SAMD8: variants seen among roughly 807,000 people sequenced by gnomAD.
The protein encoded by SAMD8 is sphingomyelin synthase-related protein 1.
In SAMD8, 20 loss-of-function variants were observed where a neutral mutation model predicts 42.0. The ratio of observed to expected loss-of-function variants is 0.48; its 90% CI spans 0.34 to 0.69. The LOEUF is 0.69. SAMD8 is among the 30% of genes least tolerant of loss of function. SAMD8 has a pLI of 0.01. For missense variants in SAMD8, 328 were observed against 511.6 expected (o/e 0.64, Z 3.46); for synonymous variants, 162 against 173.0 (o/e 0.94, Z 0.50).
intron 1 of SAMD8, among the ~76,000 whole-genome samples, chr10:75,132,818 A>C (rs1266768851): frequency 6.6e-6 from 1 of 151,740 alleles, no homozygotes; most frequent in African/African-American, 2.4e-5. Flanking sequence ...GGGAGACCCT[A>C]TCTCTACAAA....
chr10:75,107,063 C>T (rs528288568), upstream of SAMD8, among the ~76,000 whole-genome samples: 16 of 152,198 alleles, frequency 1.1e-4, no homozygotes, highest in African/African-American at 3.1e-4. Flanking sequence ...GGGCCGGGTG[C>T]GGTGGCTCAT....
chr10:75,114,527 CT>C (rs1439376952), intron 1 of SAMD8, among the ~76,000 whole-genome samples: 1 of 152,166 alleles, frequency 6.6e-6, no homozygotes, highest in Non-Finnish European at 1.5e-5. Flanking sequence ...CTCAATACTT[CT>C]TCAAAACTTT....
At chr10:75,171,683 TA>T (rs1840871540) in intron 4 of SAMD8, among the ~76,000 whole-genome samples, 1 of 152,210 alleles carries the variant, frequency 6.6e-6, no homozygotes, top group African/African-American at 2.4e-5. Flanking sequence ...CTCCTTAAGA[TA>T]AATTATTGCA....
chr10:75,139,188 C>T (rs1285042369), intron 1 of SAMD8, among the ~76,000 whole-genome samples: 1 of 151,840 alleles, frequency 6.6e-6, no homozygotes, highest in Non-Finnish European at 1.5e-5. Flanking sequence ...AGGCTGGTCT[C>T]AAACTCCTGA....
intron 1 of SAMD8, among the ~76,000 whole-genome samples, chr10:75,118,676 T>C (rs1315778294): frequency 6.6e-6 from 1 of 152,190 alleles, no homozygotes; most frequent in East Asian, 1.9e-4. Flanking sequence ...TTTCTATAAG[T>C]ATAAAGAGAA....
At chr10:75,122,852 A>G (rs2134430217) in intron 1 of SAMD8, among the ~76,000 whole-genome samples, 1 of 152,118 alleles carries the variant, frequency 6.6e-6, no homozygotes, top group East Asian at 1.9e-4. Context: ...TGCTTTTTTT[A>G]TTTATATGCT....
At chr10:75,138,660 C>T (rs1054848061) in intron 1 of SAMD8, among the ~76,000 whole-genome samples, 2 of 152,028 alleles carry the variant, frequency 1.3e-5, no homozygotes, top group African/African-American at 4.8e-5. Context: ...TCTTAGGCTG[C>T]TGAAATCTCT....
chr10:75,122,071 T>G (rs1326554697), intron 1 of SAMD8, among the ~76,000 whole-genome samples: 5 of 152,222 alleles, frequency 3.3e-5, no homozygotes. Flanking sequence ...TTCATTTTCT[T>G]TCTTTTTTCA....
intron 3 of SAMD8, among the ~76,000 whole-genome samples, chr10:75,166,153 T>A (rs1237870197): frequency 6.6e-6 from 1 of 152,010 alleles, no homozygotes; most frequent in Non-Finnish European, 1.5e-5. Context: ...TTTTACTGCT[T>A]CTTGTGGAGC....
At chr10:75,161,025 G>A (rs551138255) in intron 2 of SAMD8, among the ~76,000 whole-genome samples, 4 of 152,106 alleles carry the variant, frequency 2.6e-5, no homozygotes, top group Admixed American at 1.3e-4. Context: ...CCGCGATTGC[G>A]CCACTGTACT....
rs1476657216 is a variant in SAMD8, at chr10:75,181,435, C to T, written c.*4743C>T. The stretch of plus-strand genomic sequence containing the variant: ...TTTTGGACCCCCTTCTCACCTCACC[C>T]GGATGTAATGCCACCAATTTCAAAT... On this transcript the variant is annotated 3_prime_UTR_variant, in exon 6 of 6. Coordinates refer to ENST00000542569, the MANE Select transcript of SAMD8 (RefSeq NM_001174156.2). The T allele has an allele frequency of 1.4e-5, 2 of 145,270 alleles. No homozygotes were observed. The highest frequency in any genetic ancestry group is 2.1e-4 in the East Asian group (1 of 4,802). 9.0% of individuals were successfully genotyped at this position (145,270 alleles called of 1,614,324 possible). A position where few individuals can be genotyped will look rare whatever the true frequency, so the allele number is the denominator to read the frequency against.
At chr10:75,115,940 CA>C (rs35416435) in intron 1 of SAMD8, among the ~76,000 whole-genome samples, 14,911 of 68,860 alleles carry the variant, frequency 0.22, 480 homozygotes, top group Middle Eastern at 0.31. Flanking sequence ...GACTCCGTCT[CA>C]AAAAAAAAAA....
At chr10:75,149,899 CT>C (rs1475490841) in intron 1 of SAMD8, among the ~76,000 whole-genome samples, 23 of 151,974 alleles carry the variant, frequency 1.5e-4, no homozygotes, top group African/African-American at 5.6e-4. Context: ...ATTAAATTTT[CT>C]TCTGCTGTTG....
intron 1 of SAMD8, among the ~76,000 whole-genome samples, chr10:75,142,092 C>T (rs2134463329): frequency 6.6e-6 from 1 of 152,146 alleles, no homozygotes; most frequent in Middle Eastern, 3.4e-3. Context: ...GGATTGCAGG[C>T]ACCCACCACC....
intron 1 of SAMD8, among the ~76,000 whole-genome samples, chr10:75,145,519 G>C (rs947386866): frequency 1.3e-5 from 2 of 152,038 alleles, no homozygotes; most frequent in Admixed American, 6.6e-5. Flanking sequence ...GCTTTTTGTG[G>C]GATGCTGTTC....
chr10:75,117,870 C>A (rs1246372671), intron 1 of SAMD8, among the ~76,000 whole-genome samples: 3 of 152,170 alleles, frequency 2.0e-5, no homozygotes, highest in Non-Finnish European at 4.4e-5. Flanking sequence ...AAATTTATCA[C>A]CAAAGTCCTA....
chr10:75,152,529 A>G (rs1401326315), intron 2 of SAMD8, among the ~76,000 whole-genome samples: 1 of 148,268 alleles, frequency 6.7e-6, no homozygotes, highest in South Asian at 2.1e-4. Flanking sequence ...CTCAAAAAAA[A>G]AAAAAAGAAA....
rs529798221 is a variant in SAMD8 at position 75,138,082 on chromosome 10, A to G, written c.-15-12432A>G. Reference sequence around the variant, plus strand: ...TCAGTAAAACAACTCCCATTTCACCATCTGTTTTCCATATCTCATGAGCAT... The same window carrying G: ...TCAGTAAAACAACTCCCATTTCACCGTCTGTTTTCCATATCTCATGAGCAT... On this transcript the variant is annotated intron_variant, in intron 1 of 5. Transcript: ENST00000542569. 2.5e-4 allele frequency among the ~76,000 whole-genome samples: 38 copies of G among 152,192 alleles called. No homozygotes were observed. In the Middle Eastern group the frequency reaches 0.01, roughly 41 times the overall value.
chr10:75,106,527 T>G (rs1848521481), intron 1 of SAMD8, among the ~76,000 whole-genome samples: 1 of 152,142 alleles, frequency 6.6e-6, no homozygotes, highest in South Asian at 2.1e-4. Context: ...ACAAAGCAGC[T>G]CATCTTTTTT....
Sources: gnomAD v4.1 joint callset for allele counts (sites outside exome capture counted in the v4.1 genomes callset) on GRCh38, gnomAD v4.1.1 for gene constraint, MANE v1.5 for transcripts, NCBI Gene and HGNC (gene_info 2026-07-23, HGNC 2026-07-21) for gene names.